AKAP13: variants seen among roughly 807,000 people sequenced by gnomAD.
The protein encoded by AKAP13 is A-kinase anchor protein 13.
Under a neutral mutation model 264.5 loss-of-function variants are expected in AKAP13, and 80 were observed. The observed-to-expected ratio is 0.30, with a 90% CI of 0.25 to 0.36. The LOEUF (loss-of-function observed/expected upper bound fraction) is 0.36, where lower values mean the gene tolerates loss of function less well. Among genes scored for constraint, AKAP13 ranks in the 10% least tolerant of loss-of-function variants. The probability of loss-of-function intolerance (pLI) is 1.00; values close to 1 mark genes in which losing one functional copy is unlikely to be tolerated. For synonymous variants in AKAP13, 1,380 were observed against 1,250.2 expected, an observed-to-expected ratio of 1.10 and a Z score of -2.19; for missense variants, 3,712 against 3,435.2, an observed-to-expected ratio of 1.08 and a Z score of -2.01.
At chr15:85,728,683 T>C (rs1019893806) in intron 29 of AKAP13, among the ~76,000 whole-genome samples, 3 of 152,058 alleles carry the variant, frequency 2.0e-5, no homozygotes, top group Non-Finnish European at 4.4e-5. Flanking sequence ...AAAAAAATTA[T>C]CTCAGCACAC....
At chr15:85,649,889 TCTAC>T (rs2082725119) in intron 10 of AKAP13, among the ~76,000 whole-genome samples, 2 of 152,140 alleles carry the variant, frequency 1.3e-5, no homozygotes, top group Admixed American at 6.5e-5. Flanking sequence ...ATAATTAAAG[TCTAC>T]AGGAAATATT....
intron 10 of AKAP13, among the ~76,000 whole-genome samples, chr15:85,650,952 T>A (rs1015446503): frequency 6.6e-6 from 1 of 151,938 alleles, no homozygotes; most frequent in Admixed American, 6.6e-5. Flanking sequence ...TGAGCCATTA[T>A]TTTCCAAGGC....
intron 1 of AKAP13, among the ~76,000 whole-genome samples, chr15:85,434,768 T>A (rs1443454745): frequency 6.6e-6 from 1 of 151,568 alleles, no homozygotes; most frequent in South Asian, 2.1e-4. Context: ...GTCCTGTCTG[T>A]TAGAAGGAAA....
intron 5 of AKAP13, among the ~76,000 whole-genome samples, chr15:85,572,140 G>T (rs1312619778): frequency 6.6e-6 from 1 of 152,162 alleles, no homozygotes; most frequent in African/African-American, 2.4e-5. Context: ...CATGGAGAAT[G>T]GACTGTATCA....
intron 8 of AKAP13, among the ~76,000 whole-genome samples, chr15:85,606,124 T>G (rs1433054056): frequency 7.0e-6 from 1 of 143,050 alleles, no homozygotes; most frequent in Non-Finnish European, 1.5e-5. Context: ...TTTGTTGAGA[T>G]GTAGTCTTGC....
intron 1 of AKAP13, among the ~76,000 whole-genome samples, chr15:85,384,466 C>T (rs62024510): frequency 0.092 from 13,972 of 152,184 alleles, 868 homozygotes; most frequent in Middle Eastern, 0.17. Flanking sequence ...CCTGTAATCC[C>T]AGCACTTTGG....
At chr15:85,651,138 G>A (rs529971920) in intron 10 of AKAP13, among the ~76,000 whole-genome samples, 2 of 152,232 alleles carry the variant, frequency 1.3e-5, no homozygotes, top group African/African-American at 4.8e-5. Flanking sequence ...TTATACCTCT[G>A]TATATACTTA....
In AKAP13 at chr15:85,727,438, G is replaced by C. The variant is rs1042317101; in HGVS notation, c.7062G>C (p.Leu2354Phe). The change falls in exon 29 of 37, where the codon TTG becomes TTC. Residue 2354 changes from leucine to phenylalanine, a missense_variant. Physicochemically the swap from Leu to Phe is conservative, Grantham distance 22. This residue lies in a region of AKAP13 where 342 missense variants were observed against 484.3 expected (regional missense o/e 0.71). Transcript: ENST00000394518. This position sits in a 1 kb window ranked among gnomAD's most constrained non-coding sequence, Gnocchi z 5.3. ...AGAATGAGGAAGAAAAGAAAATGTT[G>C]GACACCAGAGCCCGAGAATTAAAAG... is the stretch of plus-strand genomic sequence containing the variant. ...PSENEEEKKM[L>F]DTRARELKEQ... is the part of the protein sequence containing the mutation. 2 of 1,614,046 alleles carry C rather than the reference G, an allele frequency of 1.2e-6. No homozygotes were observed. The highest frequency in any genetic ancestry group is 1.7e-6 in the Non-Finnish European group (2 of 1,180,018).
chr15:85,406,553 AT>A (rs1227396550), intron 1 of AKAP13, among the ~76,000 whole-genome samples: 2 of 150,786 alleles, frequency 1.3e-5, no homozygotes, highest in African/African-American at 2.5e-5. Flanking sequence ...ATTGGGGAGA[AT>A]TTTTTTTCTT....
chr15:85,538,284 G>T (rs1327604777), intron 4 of AKAP13, among the ~76,000 whole-genome samples: 3 of 152,130 alleles, frequency 2.0e-5, no homozygotes, highest in African/African-American at 7.2e-5. Context: ...GTGAAAAAGA[G>T]ATCTGATCAT....
intron 5 of AKAP13, among the ~76,000 whole-genome samples, chr15:85,550,340 CAT>C (rs2077914281): frequency 6.6e-6 from 1 of 152,178 alleles, no homozygotes; most frequent in Non-Finnish European, 1.5e-5. Context: ...TGAGGGGACA[CAT>C]GTGAATGTTG....
chr15:85,644,940 C>T (rs1003871637), intron 9 of AKAP13, among the ~76,000 whole-genome samples: 1 of 152,118 alleles, frequency 6.6e-6, no homozygotes, highest in Non-Finnish European at 1.5e-5. Context: ...ATAGCCTGGG[C>T]AACATGCCAA....
At chr15:85,595,846 C>T (rs1225011127) in intron 8 of AKAP13, among the ~76,000 whole-genome samples, 2 of 152,114 alleles carry the variant, frequency 1.3e-5, no homozygotes, top group African/African-American at 4.8e-5. Flanking sequence ...TTCATTAGGA[C>T]TGAAAAACAT....
chr15:85,740,152 A>G, intron 33 of AKAP13, 70 bp from the exon 34 acceptor site: 1 of 1,510,396 alleles, frequency 6.6e-7, no homozygotes, highest in Non-Finnish European at 9.2e-7. Flanking sequence ...TATCAGGTAA[A>G]CATTAGTGTG....
Position 85,564,783 on chromosome 15 carries a change from G to GC in AKAP13, c.663-10348_663-10347insC, listed in dbSNP as rs1373329999. Among the ~76,000 whole-genome samples, 5 of 152,274 alleles carry GC rather than the reference G, an allele frequency of 3.3e-5. No individual in the cohort carries two copies. In the East Asian group the frequency reaches 5.8e-4, roughly 18 times the overall value. On this transcript the variant is annotated intron_variant, in intron 5 of 36. Transcript: ENST00000394518. ...AGAATATTTGTACTCTTCTGCCCTGGAGTGAAATCCCAACAAATACTTGAG... is the reference window on the plus strand; with the variant it reads ...AGAATATTTGTACTCTTCTGCCCTGGCAGTGAAATCCCAACAAATACTTGAG...
At chr15:85,651,653 C>T (rs2082855356) in intron 10 of AKAP13, 2 of 152,118 alleles carry the variant, frequency 1.3e-5, no homozygotes, top group South Asian at 4.1e-4. Context: ...TGATAGAAGC[C>T]TTCATTCACG....
chr15:85,521,398 G>A, intron 2 of AKAP13, 30 bp from the exon 3 acceptor site: 2 of 1,610,026 alleles, frequency 1.2e-6, no homozygotes, highest in Non-Finnish European at 1.7e-6. Context: ...CCTTACTAAT[G>A]TAAACTTGCT....
At chr15:85,617,445 A>T (rs1019608515) in intron 8 of AKAP13, among the ~76,000 whole-genome samples, 1 of 152,136 alleles carries the variant, frequency 6.6e-6, no homozygotes, top group Non-Finnish European at 1.5e-5. Context: ...GGGTTTCGCC[A>T]TGTTGGCCAC....
chr15:85,427,201 C>A (rs1006355934), intron 1 of AKAP13, among the ~76,000 whole-genome samples: 3 of 151,894 alleles, frequency 2.0e-5, no homozygotes, highest in African/African-American at 7.3e-5. Context: ...GTGATCCGCC[C>A]GCCTCGGCCT....
Sources: gnomAD v4.1 joint callset for allele counts (sites outside exome capture counted in the v4.1 genomes callset) on GRCh38, gnomAD v4.1.1 for gene constraint, gnomAD v4.1.1 regional missense constraint, Gnocchi (gnomAD v3.1) non-coding constraint, MANE v1.5 for transcripts, NCBI Gene and HGNC (gene_info 2026-07-23, HGNC 2026-07-21) for gene names.